Variants in DIP2C observed in about 807,000 individuals in gnomAD.
DIP2C encodes the protein disco-interacting protein 2 homolog C.
Under a neutral mutation model 192.4 loss-of-function variants are expected in DIP2C, and 33 were observed. That is an observed-to-expected ratio of 0.17 (90% confidence interval 0.13 to 0.23). The LOEUF (loss-of-function observed/expected upper bound fraction) is 0.23. DIP2C is among the 10% of genes least tolerant of loss of function. DIP2C has a pLI of 1.00. For synonymous variants in DIP2C, 979 were observed against 864.1 expected (o/e 1.13, Z -2.33); for missense variants, 1,537 against 2,110.1 (o/e 0.73, Z 5.32).
intron 29 of DIP2C, among the ~76,000 whole-genome samples, chr10:335,190 G>A (rs1467668651): frequency 6.6e-6 from 1 of 152,160 alleles, no homozygotes; most frequent in African/African-American, 2.4e-5. Flanking sequence ...GAAAGCTTTA[G>A]GATGAGGACA....
chr10:503,988 CACTT>C (rs1845420569), intron 1 of DIP2C, among the ~76,000 whole-genome samples: 1 of 152,212 alleles, frequency 6.6e-6, no homozygotes, highest in African/African-American at 2.4e-5. Flanking sequence ...TTCCTGATCA[CACTT>C]AAAGTCAACT....
chr10:461,616 A>T (rs1477516606), intron 3 of DIP2C, among the ~76,000 whole-genome samples: 1 of 152,172 alleles, frequency 6.6e-6, no homozygotes, highest in Non-Finnish European at 1.5e-5. Flanking sequence ...CGTCAGTATT[A>T]GACAGATTGA....
At position 540,834 on chromosome 10, in the gene DIP2C, T is replaced by A. The variant is rs949445714; in HGVS notation, c.86-54304A>T. Among the ~76,000 whole-genome samples, 3 of 152,240 alleles carry A rather than the reference T, an allele frequency of 2.0e-5. No homozygotes were observed. The East Asian group carries it at 5.8e-4, about 29-fold the overall frequency. ...ATCATGAAAGACTAATACCCTGTCATCTCTGAAACACAGGTAAAGTCTTTC... is the reference window on the plus strand; with the variant it reads ...ATCATGAAAGACTAATACCCTGTCAACTCTGAAACACAGGTAAAGTCTTTC... On this transcript the variant is annotated intron_variant, in intron 1 of 36. Transcript: ENST00000280886.
intron 1 of DIP2C, among the ~76,000 whole-genome samples, chr10:574,571 G>A (rs1003183316): frequency 3.9e-5 from 6 of 152,216 alleles, no homozygotes; most frequent in African/African-American, 1.2e-4. Flanking sequence ...GTCCAGGAAA[G>A]AACAGGTAAC....
chr10:304,676 A>C (rs923128140), intron 32 of DIP2C, among the ~76,000 whole-genome samples: 13 of 119,078 alleles, frequency 1.1e-4, no homozygotes, highest in African/African-American at 3.7e-4. Context: ...CACACACACA[A>C]TACTCACATA....
chr10:542,232 T>C (rs574553805), intron 1 of DIP2C, among the ~76,000 whole-genome samples: 1 of 152,324 alleles, frequency 6.6e-6, no homozygotes, highest in Non-Finnish European at 1.5e-5. Flanking sequence ...AGTTACCTCC[T>C]GGGCGATGCC....
chr10:563,051 A>G (rs1849299060), intron 1 of DIP2C, among the ~76,000 whole-genome samples: 1 of 152,232 alleles, frequency 6.6e-6, no homozygotes, highest in Admixed American at 6.5e-5. Flanking sequence ...ACTGCCTACA[A>G]GTGCTCTCTG....
At chr10:533,456 G>A (rs1179690840) in intron 1 of DIP2C, among the ~76,000 whole-genome samples, 4 of 152,078 alleles carry the variant, frequency 2.6e-5, no homozygotes, top group African/African-American at 9.7e-5. Flanking sequence ...GGACAAAGGT[G>A]CTCAAATCCT....
At chr10:562,780 G>C (rs1454758236) in intron 1 of DIP2C, among the ~76,000 whole-genome samples, 3 of 152,116 alleles carry the variant, frequency 2.0e-5, no homozygotes, top group African/African-American at 7.2e-5. Flanking sequence ...AAATATTCTA[G>C]AGACAGATAC....
intron 1 of DIP2C, among the ~76,000 whole-genome samples, chr10:576,751 T>TA (rs1235814234): frequency 3.3e-5 from 5 of 151,804 alleles, no homozygotes; most frequent in Non-Finnish European, 7.4e-5. Flanking sequence ...CGACTAAAAA[T>TA]AAAAAATTAG....
chr10:418,763 C>T (rs1404986951), intron 6 of DIP2C, among the ~76,000 whole-genome samples: 1 of 152,248 alleles, frequency 6.6e-6, no homozygotes, highest in Admixed American at 6.5e-5. Flanking sequence ...TTCTCAGTTG[C>T]TGAACCACCG....
At chr10:598,443 T>C (rs150869653) in intron 1 of DIP2C, among the ~76,000 whole-genome samples, 412 of 152,298 alleles carry the variant, frequency 2.7e-3, no homozygotes, top group Middle Eastern at 6.8e-3. Flanking sequence ...AAAACCGACA[T>C]GCAATCATCA....
intron 1 of DIP2C, among the ~76,000 whole-genome samples, chr10:511,657 C>T (rs1018268528): frequency 1.3e-5 from 2 of 152,158 alleles, no homozygotes; most frequent in Non-Finnish European, 2.9e-5. Context: ...AAGTCAGTCA[C>T]CCCTCCACGG....
intron 31 of DIP2C, among the ~76,000 whole-genome samples, chr10:321,108 C>T (rs558341634): frequency 1.3e-5 from 2 of 152,308 alleles, no homozygotes; most frequent in Non-Finnish European, 1.5e-5. Flanking sequence ...ACCAGAGTGC[C>T]ACTGATAGAG....
At chr10:413,865 G>A (rs755764245) in intron 8 of DIP2C, 48 bp downstream of exon 8, 61 of 1,588,168 alleles carry the variant, frequency 3.8e-5, no homozygotes, top group Non-Finnish European at 4.8e-5. Context: ...TTCGGGAGTG[G>A]CTGTGCGAGG....
intron 1 of DIP2C, among the ~76,000 whole-genome samples, chr10:606,225 C>A (rs1852456953): frequency 6.6e-6 from 1 of 151,746 alleles, no homozygotes; most frequent in Admixed American, 6.5e-5. Context: ...GCACCTGGCT[C>A]ATGGGCTCCA....
intron 4 of DIP2C, among the ~76,000 whole-genome samples, chr10:429,096 G>A (rs1050905698): frequency 4.6e-5 from 7 of 152,098 alleles, no homozygotes; most frequent in Middle Eastern, 6.8e-3. Flanking sequence ...TCTTGGTGTC[G>A]TACAATATAT....
chr10:330,664 T>TTTC (rs1957465033), intron 29 of DIP2C, among the ~76,000 whole-genome samples: 1 of 151,334 alleles, frequency 6.6e-6, no homozygotes, highest in East Asian at 1.9e-4. Flanking sequence ...TTTTTTTTTT[T>TTTC]CAGTGGTAGG....
chr10:384,452 G>T (rs1455805309), intron 15 of DIP2C, 94 bp downstream of exon 15: 9 of 1,261,520 alleles, frequency 7.1e-6, no homozygotes, highest in Non-Finnish European at 1.0e-5. Context: ...TGGCCCGGGT[G>T]GTCTGGAACT....
Sources: allele counts gnomAD v4.1 joint callset (sites outside exome capture counted in the v4.1 genomes callset), GRCh38; gene constraint gnomAD v4.1.1; transcripts MANE v1.5; gene names NCBI Gene and HGNC (gene_info 2026-07-23, HGNC 2026-07-21).